Variants in SULF1 observed in about 807,000 individuals in gnomAD.
The protein encoded by SULF1 is extracellular sulfatase Sulf-1.
In SULF1, 46 loss-of-function variants were observed where a neutral mutation model predicts 110.5. The ratio of observed to expected loss-of-function variants is 0.42; its 90% CI spans 0.33 to 0.53. The LOEUF (loss-of-function observed/expected upper bound fraction) is 0.53. SULF1 is among the 20% of genes least tolerant of loss of function. The pLI is 0.12. For missense variants in SULF1, 941 were observed against 1,094.2 expected, an observed-to-expected ratio of 0.86 and a Z score of 1.98; for synonymous variants, 371 against 387.1, an observed-to-expected ratio of 0.96 and a Z score of 0.49.
intron 22 of SULF1, among the ~76,000 whole-genome samples, chr8:69,651,107 G>T (rs2130732796): frequency 7.0e-6 from 1 of 143,710 alleles, no homozygotes; most frequent in East Asian, 2.0e-4. Context: ...AAGCTGGAGT[G>T]CAGTGGCATG....
rs746667151 is a variant in SULF1, at chr8:69,576,142, C to T, written c.345C>T (p.Pro115=). Residue 115 remains proline (P), a synonymous_variant, in exon 6 of 23, where the codon CCC becomes CCT. Transcript: ENST00000402687. ...VYTNNENCSS[P]SWQAMHEPRT... ...CCAACAACGAGAACTGCTCTTCCCC[C>T]TCGTGGCAGGCCATGCATGAGCCTC... 8 of 1,614,076 alleles carry T rather than the reference C, an allele frequency of 5.0e-6. No homozygotes were observed. In the Admixed American group the frequency reaches 1.2e-4, roughly 24 times the overall value.
intron 3 of SULF1, among the ~76,000 whole-genome samples, chr8:69,519,751 T>G (rs543032081): frequency 9.7e-4 from 148 of 152,342 alleles, no homozygotes; most frequent in African/African-American, 3.4e-3. Flanking sequence ...TTCATTTATG[T>G]TAGTCTTCTA....
intron 8 of SULF1, among the ~76,000 whole-genome samples, chr8:69,597,749 A>T (rs78346313): frequency 0.034 from 5,211 of 152,234 alleles, 114 homozygotes; most frequent in African/African-American, 0.065. Flanking sequence ...AGTCAACCAG[A>T]TTTATTTTTA....
At chr8:69,588,261 C>T (rs1377352493) in intron 7 of SULF1, among the ~76,000 whole-genome samples, 3 of 152,146 alleles carry the variant, frequency 2.0e-5, no homozygotes, top group Non-Finnish European at 2.9e-5. Flanking sequence ...GCAAGTCAGG[C>T]TCTAATCCCA....
chr8:69,574,022 G>A (rs1468978484), intron 5 of SULF1, among the ~76,000 whole-genome samples: 1 of 152,034 alleles, frequency 6.6e-6, no homozygotes, highest in African/African-American at 2.4e-5. Context: ...CGGCTTCAGC[G>A]ACCTCATCTG....
intron 3 of SULF1, among the ~76,000 whole-genome samples, chr8:69,551,921 G>A (rs1249637413): frequency 6.6e-6 from 1 of 152,076 alleles, no homozygotes; most frequent in Non-Finnish European, 1.5e-5. Flanking sequence ...CTGAAACCTC[G>A]TCTCTCCTAA....
At chr8:69,586,299 CATTT>C in intron 6 of SULF1, 54 bp from the exon 7 acceptor site, 1 of 1,472,946 alleles carries the variant, frequency 6.8e-7, no homozygotes, top group Non-Finnish European at 9.0e-7. Context: ...TATACTTATC[CATTT>C]ATTTATGATT....
At chr8:69,516,826 T>G (rs1430378496) in intron 3 of SULF1, among the ~76,000 whole-genome samples, 2 of 152,284 alleles carry the variant, frequency 1.3e-5, no homozygotes, top group South Asian at 4.1e-4. Flanking sequence ...AGTAATATTA[T>G]CATTGATATT....
rs774253861 is a variant in SULF1, at chr8:69,658,719, T to C, written c.*184T>C. 4.3e-6 allele frequency: 3 copies of C among 691,278 alleles called. No homozygotes were observed. In the East Asian group the frequency reaches 8.3e-5, roughly 19 times the overall value. 42.8% of individuals were successfully genotyped at this position (691,278 alleles called of 1,614,324 possible). A position where few individuals can be genotyped will look rare whatever the true frequency, so the allele number is the denominator to read the frequency against. ...GTCACTATGAGCAAAATAAAACAAA[T>C]AAGACTCAAACTGCTCAAAGTGACG... On this transcript the variant is annotated 3_prime_UTR_variant, in exon 23 of 23. Transcript: ENST00000402687.
intron 3 of SULF1, among the ~76,000 whole-genome samples, chr8:69,546,489 A>G (rs1357365784): frequency 6.6e-6 from 1 of 152,242 alleles, no homozygotes; most frequent in Non-Finnish European, 1.5e-5. Flanking sequence ...TGCTGTCCAC[A>G]GGAAAGATGC....
chr8:69,545,069 A>G (rs1028902356), intron 3 of SULF1, among the ~76,000 whole-genome samples: 1 of 145,324 alleles, frequency 6.9e-6, no homozygotes, highest in African/African-American at 2.6e-5. Flanking sequence ...AAAAATTATA[A>G]AAAGATAAAG....
intron 14 of SULF1, 61 bp from the exon 15 acceptor site, chr8:69,623,881 C>T (rs777966394): frequency 7.9e-5 from 123 of 1,557,114 alleles, no homozygotes; most frequent in Non-Finnish European, 9.7e-5. Context: ...CAGGTGATCA[C>T]TTTCTTCCCT....
chr8:69,561,945 G>C (rs1010551179), intron 3 of SULF1, among the ~76,000 whole-genome samples: 1 of 152,192 alleles, frequency 6.6e-6, no homozygotes, highest in African/African-American at 2.4e-5. Flanking sequence ...CAGGCTTTCA[G>C]TGTTCAGCAT....
chr8:69,508,678 C>T (rs140661729), intron 3 of SULF1, among the ~76,000 whole-genome samples: 97 of 152,216 alleles, frequency 6.4e-4, no homozygotes, highest in African/African-American at 2.2e-3. Flanking sequence ...TTTAAAATTA[C>T]TAGGTTTTAA....
chr8:69,621,509 AAG>A (rs1306763068), intron 14 of SULF1, among the ~76,000 whole-genome samples: 84 of 152,364 alleles, frequency 5.5e-4, no homozygotes, highest in African/African-American at 2.0e-3. Context: ...GCACACATAA[AAG>A]AGTTTATAAA....
At position 69,658,945 on chromosome 8, in the gene SULF1, T is replaced by G. The variant is rs1011640444; in HGVS notation, c.*410T>G. On this transcript the variant is annotated 3_prime_UTR_variant, in exon 23 of 23. Transcript: ENST00000402687. ...TAACGACATTCCAGAAGTTAATCAT[T>G]TGAATTCTGAACACTGGAGAAAAAC... The G allele has an allele frequency of 4.3e-6, 2 of 461,080 alleles. No individual in the cohort carries two copies. The highest frequency in any genetic ancestry group is 4.0e-5 in the African/African-American group (2 of 50,298). The allele number at this position is 461,080 out of a possible 1,614,324, so 28.6% of individuals were successfully genotyped here.
At chr8:69,650,493 C>A (rs4258014) in intron 22 of SULF1, among the ~76,000 whole-genome samples, 81,083 of 151,892 alleles carry the variant, frequency 0.53, 21,834 homozygotes, top group African/African-American at 0.61. Flanking sequence ...ACATTCAAAA[C>A]ATTAGCTGGG....
intron 3 of SULF1, among the ~76,000 whole-genome samples, chr8:69,515,680 T>G (rs939812478): frequency 6.6e-6 from 1 of 152,254 alleles, no homozygotes; most frequent in Non-Finnish European, 1.5e-5. Context: ...GCTTCCCTTT[T>G]AAATATAAGT....
chr8:69,603,160 G>A (rs757017471), intron 10 of SULF1, 32 bp from the exon 11 acceptor site: 5 of 1,612,240 alleles, frequency 3.1e-6, no homozygotes, highest in Non-Finnish European at 4.2e-6. Flanking sequence ...CCTGGCATTG[G>A]ATCTCAGCCA....
Sources: gnomAD v4.1 joint callset for allele counts (sites outside exome capture counted in the v4.1 genomes callset) on GRCh38, gnomAD v4.1.1 for gene constraint, MANE v1.5 for transcripts, NCBI Gene and HGNC (gene_info 2026-07-23, HGNC 2026-07-21) for gene names.